Variants in TTPAL observed in about 807,000 individuals in gnomAD.
TTPAL encodes alpha-tocopherol transfer protein-like.
A neutral mutation model predicts 28.7 loss-of-function variants in TTPAL; 21 were observed. The observed-to-expected ratio is 0.73, with a 90% CI of 0.52 to 1.06. The LOEUF (loss-of-function observed/expected upper bound fraction) is 1.06. TTPAL is among the 50% of genes least tolerant of loss of function. The probability of loss-of-function intolerance (pLI) is 0.00; values close to 1 mark genes in which losing one functional copy is unlikely to be tolerated. For missense variants in TTPAL, 345 were observed against 425.5 expected, an observed-to-expected ratio of 0.81 and a Z score of 1.67; for synonymous variants, 169 against 171.9, an observed-to-expected ratio of 0.98 and a Z score of 0.13.
intron 3 of TTPAL, 74 bp downstream of exon 3, chr20:44,484,604 T>C: frequency 8.6e-7 from 1 of 1,157,116 alleles, no homozygotes; most frequent in Non-Finnish European, 1.2e-6. Context: ...TTACTGTGGG[T>C]CTCACATGAT....
At chr20:44,485,907 A>G (rs2064147486) in intron 3 of TTPAL, 4 of 152,316 alleles carry the variant, frequency 2.6e-5, no homozygotes, top group Admixed American at 2.6e-4. Flanking sequence ...TGCTTAGTGG[A>G]CTACGTTTCT....
At position 44,480,250 on chromosome 20, in the gene TTPAL, TC is replaced by T; in HGVS notation, c.253del (p.Leu85SerfsTer32). The T allele has an allele frequency of 6.2e-7, 1 of 1,614,108 alleles. No individual in the cohort carries two copies. Among genetic ancestry groups the T allele is most frequent in the Non-Finnish European group, 8.5e-7 (1 of 1,179,998 alleles). On this transcript the variant is annotated frameshift_variant, in exon 2 of 5. Coordinates refer to ENST00000262605, the MANE Select transcript of TTPAL (RefSeq NM_001039199.3). LOFTEE classifies it high-confidence loss of function. The surrounding 1 kb of genome is among the most constrained non-coding windows in gnomAD (Gnocchi z 4.1). ...CTCGACGATGCCTTCCTGCTGCGCT[TC>T]CTCCGAGCCCGCAAGTTTGATTACG... is the stretch of plus-strand genomic sequence containing the variant. ...TSLDDAFLLR[F>X]LRARKFDYDR...
intron 1 of TTPAL, among the ~76,000 whole-genome samples, chr20:44,477,958 GA>G (rs2064061503): frequency 6.6e-6 from 1 of 152,100 alleles, no homozygotes; most frequent in Non-Finnish European, 1.5e-5. Flanking sequence ...CACAGCCCAA[GA>G]AAAAATTTAA....
In TTPAL at chr20:44,475,877, A is replaced by T. The variant is rs1275218576; in HGVS notation, c.-130A>T. On this transcript the variant is annotated 5_prime_UTR_variant, in exon 1 of 5. Transcript: ENST00000262605. The stretch of plus-strand genomic sequence containing the variant: ...CCCGCCTCCCACGCCCTGGATCGTC[A>T]CTTCCGGCGCGAGAGGCCGGGCAGG... 1 of 152,222 alleles carries T rather than the reference A, an allele frequency of 6.6e-6. No homozygotes were observed. The highest frequency in any genetic ancestry group is 2.4e-5 in the African/African-American group (1 of 41,444). The allele number at this position is 152,222 out of a possible 1,614,324, so 9.4% of individuals were successfully genotyped here.
chr20:44,485,192 T>C (rs1282682838), intron 3 of TTPAL, among the ~76,000 whole-genome samples: 1 of 152,134 alleles, frequency 6.6e-6, no homozygotes, highest in African/African-American at 2.4e-5. Flanking sequence ...TCTGTGGACC[T>C]GAGGGATATG....
At position 44,489,599 on chromosome 20, in the gene TTPAL, A is replaced by C; in HGVS notation, c.*58A>C. ...TTCCTTCTTTTCTTTGGAGAGGCAC[A>C]AGGAGAATTTAAGGGTCCATGGATT... On this transcript the variant is annotated 3_prime_UTR_variant, in exon 5 of 5. Transcript: ENST00000262605. 1 of 1,528,388 alleles carries C rather than the reference A, an allele frequency of 6.5e-7. No homozygotes were observed. The allele number at this position is 1,528,388 out of a possible 1,614,324, so 94.7% of individuals were successfully genotyped here.
intron 2 of TTPAL, among the ~76,000 whole-genome samples, chr20:44,482,870 T>A (rs1043938439): frequency 1.3e-5 from 2 of 152,108 alleles, no homozygotes; most frequent in Non-Finnish European, 2.9e-5. Flanking sequence ...ACTCAGCTTT[T>A]TTTTTGAGAC....
intron 3 of TTPAL, among the ~76,000 whole-genome samples, chr20:44,485,424 A>C (rs1273184853): frequency 6.6e-6 from 1 of 152,158 alleles, no homozygotes; most frequent in African/African-American, 2.4e-5. Context: ...GGGAAGATGG[A>C]GACCTAGAGA....
Position 44,480,497 on chromosome 20 carries a change from T to G in TTPAL, c.445+53T>G. 1 of 1,491,496 alleles carries G rather than the reference T, an allele frequency of 6.7e-7. No individual in the cohort carries two copies. The highest frequency in any genetic ancestry group is 9.0e-7 in the Non-Finnish European group (1 of 1,109,566). 92.4% of individuals were successfully genotyped at this position (1,491,496 alleles called of 1,614,324 possible). Reference sequence around the variant, plus strand: ...GTGTGTCCAGTCCTTCTGCAGTGTGTCCATTCAGCACCCTGTCCTCCTTTC... The same window carrying G: ...GTGTGTCCAGTCCTTCTGCAGTGTGGCCATTCAGCACCCTGTCCTCCTTTC... On this transcript the variant is annotated intron_variant, in intron 2 of 4. Coordinates refer to ENST00000262605, the MANE Select transcript of TTPAL (RefSeq NM_001039199.3). The surrounding 1 kb of genome is among the most constrained non-coding windows in gnomAD (Gnocchi z 4.1).
Position 44,480,297 on chromosome 20 carries a change from G to T in TTPAL, c.298G>T (p.Val100Phe), listed in dbSNP as rs746679741. The T allele has an allele frequency of 1.2e-6, 2 of 1,613,962 alleles. No homozygotes were observed. The highest frequency in any genetic ancestry group is 1.7e-5 in the Admixed American group (1 of 59,984). ...TTACGACCGGGCCCTGCAGCTCCTCGTCAACTACCACAGCTGTAGAAGAAG... is the reference window on the plus strand; with the variant it reads ...TTACGACCGGGCCCTGCAGCTCCTCTTCAACTACCACAGCTGTAGAAGAAG... The part of the protein sequence containing the change: ...FDYDRALQLL[V>F]NYHSCRRSWP... The change falls in exon 2 of 5, where the codon GTC (valine) becomes TTC (phenylalanine). Residue 100 changes from valine (V) to phenylalanine (F), a missense_variant. Transcript: ENST00000262605. This position sits in a 1 kb window ranked among gnomAD's most constrained non-coding sequence, Gnocchi z 4.1.
intron 1 of TTPAL, among the ~76,000 whole-genome samples, chr20:44,476,454 C>T (rs1173795033): frequency 6.6e-6 from 1 of 152,198 alleles, no homozygotes; most frequent in Non-Finnish European, 1.5e-5. Flanking sequence ...CTAGACGCAT[C>T]CTTGCTCTGC....
In TTPAL at chr20:44,491,196, C is replaced by A. The variant is rs1568776593; in HGVS notation, c.*1655C>A. On this transcript the variant is annotated 3_prime_UTR_variant, in exon 5 of 5. Transcript: ENST00000262605. The stretch of plus-strand genomic sequence containing the variant: ...CCCTCCCAGCCCCACTTGAGTTTCT[C>A]TCTCTGGTGTGGGTGAACCAGTCAG... 6.7e-6 allele frequency: 1 copy of A among 148,614 alleles called. No individual in the cohort carries two copies. Among genetic ancestry groups the A allele is most frequent in the Non-Finnish European group, 1.5e-5 (1 of 67,284 alleles). The allele number at this position is 148,614 out of a possible 1,614,324, so 9.2% of individuals were successfully genotyped here. A position where few individuals can be genotyped will look rare whatever the true frequency, so the allele number is the denominator to read the frequency against.
chr20:44,476,193 C>T (rs1016570457), intron 1 of TTPAL, among the ~76,000 whole-genome samples: 8 of 152,132 alleles, frequency 5.3e-5, no homozygotes, highest in Non-Finnish European at 8.8e-5. Context: ...GGAGAGATGG[C>T]TTCCTGACCT....
rs1242883275 is a variant in TTPAL at position 44,475,956 on chromosome 20, C to T, written c.-51C>T. 2 of 152,304 alleles carry T rather than the reference C, an allele frequency of 1.3e-5. No individual in the cohort carries two copies. The highest frequency in any genetic ancestry group is 1.3e-4 in the Admixed American group (2 of 15,290). 9.4% of individuals were successfully genotyped at this position (152,304 alleles called of 1,614,324 possible). ...GTGCGCTGCCGGACGAGGCTCCCGC[C>T]GCCGATTGACCCGCGCTCCGCCCGT... On this transcript the variant is annotated 5_prime_UTR_variant, in exon 1 of 5. Coordinates refer to ENST00000262605, the MANE Select transcript of TTPAL (RefSeq NM_001039199.3).
intron 4 of TTPAL, among the ~76,000 whole-genome samples, chr20:44,487,507 G>A (rs1347694773): frequency 1.3e-5 from 2 of 152,202 alleles, no homozygotes; most frequent in Non-Finnish European, 2.9e-5. Context: ...GTTTAAAAAT[G>A]CTACTTAAGC....
At position 44,484,455 on chromosome 20, in the gene TTPAL, CTA is replaced by C; in HGVS notation, c.565_566del (p.Tyr189GlnfsTer39). 6.2e-7 allele frequency: 1 copy of C among 1,606,576 alleles called. No homozygotes were observed. Among genetic ancestry groups the C allele is most frequent in the South Asian group, 1.1e-5 (1 of 90,814 alleles). ...QVNGIVILAD[Y>X]KGVSLSKASH... is the part of the protein sequence containing the mutation. ...TGAATGGAATTGTAATTCTTGCAGACTACAAAGGAGTGAGTTTATCAAAAGCA... is the reference window on the plus strand; with the variant it reads ...TGAATGGAATTGTAATTCTTGCAGACCAAAGGAGTGAGTTTATCAAAAGCA... On this transcript the variant is annotated frameshift_variant, in exon 3 of 5. Transcript: ENST00000262605. LOFTEE classifies it high-confidence loss of function.
Position 44,494,315 on chromosome 20 carries a change from T to C in TTPAL, c.*4774T>C, listed in dbSNP as rs1352306369. 1 of 152,682 alleles carries C rather than the reference T, an allele frequency of 6.5e-6. No homozygotes were observed. Among genetic ancestry groups the C allele is most frequent in the Non-Finnish European group, 1.5e-5 (1 of 68,036 alleles). The allele number at this position is 152,682 out of a possible 1,614,324, so 9.5% of individuals were successfully genotyped here. On this transcript the variant is annotated 3_prime_UTR_variant, in exon 5 of 5. Coordinates refer to ENST00000262605, the MANE Select transcript of TTPAL (RefSeq NM_001039199.3). ...ATATCAGGTAGGAACCTGTTACAAGTGAAATACTTGAAACCTCTCTGACCA... is the reference window on the plus strand; with the variant it reads ...ATATCAGGTAGGAACCTGTTACAAGCGAAATACTTGAAACCTCTCTGACCA...
Position 44,480,312 on chromosome 20 carries a change from T to G in TTPAL, c.313T>G (p.Cys105Gly). The G allele has an allele frequency of 6.2e-7, 1 of 1,614,178 alleles. No individual in the cohort carries two copies. ...GCAGCTCCTCGTCAACTACCACAGC[T>G]GTAGAAGAAGCTGGCCCGAAGTCTT... is the stretch of plus-strand genomic sequence containing the variant. ...ALQLLVNYHS[C>G]RRSWPEVFNN... Residue 105 changes from cysteine (C) to glycine (G), a missense_variant, in exon 2 of 5, where the codon TGT becomes GGT. Physicochemically the swap from Cys to Gly is radical, Grantham distance 159. Coordinates refer to ENST00000262605, the MANE Select transcript of TTPAL (RefSeq NM_001039199.3). This position sits in a 1 kb window ranked among gnomAD's most constrained non-coding sequence, Gnocchi z 4.1.
chr20:44,477,811 T>G (rs1326091981), intron 1 of TTPAL, among the ~76,000 whole-genome samples: 1 of 151,924 alleles, frequency 6.6e-6, no homozygotes, highest in African/African-American at 2.4e-5. Context: ...CGCACCACCA[T>G]GCCTGGCTAA....
Sources: gnomAD v4.1 joint callset for allele counts (sites outside exome capture counted in the v4.1 genomes callset) on GRCh38, gnomAD v4.1.1 for gene constraint, Gnocchi (gnomAD v3.1) non-coding constraint, MANE v1.5 for transcripts, NCBI Gene and HGNC (gene_info 2026-07-23, HGNC 2026-07-21) for gene names.